The following NFAT5 variants were observed in gnomAD, a reference collection of about 807,000 sequenced individuals.
NFAT5 encodes the protein nuclear factor of activated T cells 5, also known as nuclear factor of activated T-cells 5.
In NFAT5, 31 loss-of-function variants were observed where a neutral mutation model predicts 166.5. That is an observed-to-expected ratio of 0.19 (90% CI 0.14 to 0.25). NFAT5 has a LOEUF of 0.25. Among genes scored for constraint, NFAT5 ranks in the 10% least tolerant of loss-of-function variants. The pLI, the probability that NFAT5 is intolerant of heterozygous loss-of-function variation, is 1.00. For missense variants in NFAT5, 1,449 were observed against 1,821.8 expected, an observed-to-expected ratio of 0.80 and a Z score of 3.72; for synonymous variants, 612 against 639.7, an observed-to-expected ratio of 0.96 and a Z score of 0.65.
chr16:69,595,273 T>C (rs2032725466), intron 2 of NFAT5, among the ~76,000 whole-genome samples: 1 of 152,228 alleles, frequency 6.6e-6, no homozygotes, highest in Non-Finnish European at 1.5e-5. Context: ...ACCCTTCTTA[T>C]AATGATGTAA....
At chr16:69,614,186 TG>T (rs2033831897) in intron 2 of NFAT5, among the ~76,000 whole-genome samples, 1 of 151,958 alleles carries the variant, frequency 6.6e-6, no homozygotes, top group Admixed American at 6.6e-5. Context: ...GACAAGGTCT[TG>T]CTCTGTCACC....
Position 69,693,629 on chromosome 16 carries a change from G to A in NFAT5, c.3804G>A (p.Gln1268=). The stretch of plus-strand genomic sequence containing the variant: ...AGAGTAACTCTCCATCCCAGGAACA[G>A]CAGCAGCAGCAGCAACAGCAGCAGC... ...AMQSNSPSQE[Q]QQQQQQQQQQ... The change falls in exon 13 of 15, where the codon CAG becomes CAA. Residue 1268 remains glutamine (Q), a synonymous_variant. Coordinates refer to ENST00000349945, the MANE Select transcript of NFAT5 (RefSeq NM_138713.4). 1.9e-6 allele frequency: 3 copies of A among 1,608,702 alleles called. No homozygotes were observed. The highest frequency in any genetic ancestry group is 2.6e-6 in the Non-Finnish European group (3 of 1,176,302).
intron 2 of NFAT5, among the ~76,000 whole-genome samples, chr16:69,619,636 ATGT>A (rs2034113603): frequency 6.6e-6 from 1 of 152,136 alleles, no homozygotes; most frequent in African/African-American, 2.4e-5. Flanking sequence ...TATGTTATTA[ATGT>A]TGTTATTTTG....
Position 69,604,158 on chromosome 16 carries a change from G to A in NFAT5, c.128-22245G>A, listed in dbSNP as rs2033281364. Among the ~76,000 whole-genome samples, 4 of 152,230 alleles carry A rather than the reference G, an allele frequency of 2.6e-5. No homozygotes were observed. In the South Asian group the frequency reaches 8.3e-4, roughly 32 times the overall value. ...GTCCAGGGGCACATAGAAGCAAGCA[G>A]CAGAGCTGGGATTTAAATGGAGGCA... On this transcript the variant is annotated intron_variant, in intron 2 of 14. Transcript: ENST00000349945.
chr16:69,642,838 A>C (rs1304266816), intron 3 of NFAT5, among the ~76,000 whole-genome samples: 1 of 151,968 alleles, frequency 6.6e-6, no homozygotes, highest in Non-Finnish European at 1.5e-5. Context: ...AAGAAAAGAA[A>C]AGAAAAAGGA....
intron 13 of NFAT5, among the ~76,000 whole-genome samples, chr16:69,694,470 G>A (rs2037690796): frequency 6.6e-6 from 1 of 152,136 alleles, no homozygotes; most frequent in Admixed American, 6.5e-5. Flanking sequence ...GGCCAGGCTG[G>A]TGTTGAATTT....
At chr16:69,582,126 G>A (rs371796056) in intron 2 of NFAT5, among the ~76,000 whole-genome samples, 16 of 152,184 alleles carry the variant, frequency 1.1e-4, no homozygotes, top group African/African-American at 3.6e-4. Context: ...TTAGCCAGGT[G>A]TGGTGGTGCA....
chr16:69,577,606 A>G (rs1043163379), intron 2 of NFAT5, among the ~76,000 whole-genome samples: 1 of 152,182 alleles, frequency 6.6e-6, no homozygotes, highest in Non-Finnish European at 1.5e-5. Flanking sequence ...TATGGTAAGA[A>G]AAAGCAGATC....
chr16:69,599,529 C>T (rs1188366190), intron 2 of NFAT5, among the ~76,000 whole-genome samples: 1 of 152,136 alleles, frequency 6.6e-6, no homozygotes, highest in Non-Finnish European at 1.5e-5. Context: ...CAAGATTGTG[C>T]CACTGCACTC....
intron 2 of NFAT5, among the ~76,000 whole-genome samples, chr16:69,612,651 G>C (rs75527884): frequency 0.018 from 2,739 of 152,094 alleles, 85 homozygotes; most frequent in African/African-American, 0.063. Flanking sequence ...TTGGAGACCA[G>C]ACTGGACAAC....
At chr16:69,660,018 T>C (rs753826735) in intron 7 of NFAT5, 119 bp downstream of exon 7, 142 of 866,008 alleles carry the variant, frequency 1.6e-4, no homozygotes, top group Non-Finnish European at 4.8e-5. Context: ...CATGCAAAAT[T>C]TGAAATATTT....
intron 2 of NFAT5, among the ~76,000 whole-genome samples, chr16:69,580,963 A>G (rs1225762607): frequency 6.6e-6 from 1 of 152,206 alleles, no homozygotes; most frequent in Non-Finnish European, 1.5e-5. Flanking sequence ...CCGAAATCCA[A>G]ATTCTTAAAA....
In NFAT5 at chr16:69,595,254, T is replaced by A. The variant is rs551514475; in HGVS notation, c.127+26706T>A. 9.8e-5 allele frequency among the ~76,000 whole-genome samples: 15 copies of A among 152,330 alleles called. 1 individual carries two copies. In the South Asian group the frequency reaches 3.1e-3, roughly 32 times the overall value. ...GTGGTCTCTCAAAATAGCTTACTGT[T>A]CTGTATTCACCCTTCTTATAATGAT... On this transcript the variant is annotated intron_variant, in intron 2 of 14. Transcript: ENST00000349945.
At chr16:69,661,432 A>G (rs1328177217) in intron 7 of NFAT5, among the ~76,000 whole-genome samples, 1 of 149,030 alleles carries the variant, frequency 6.7e-6, no homozygotes, top group Non-Finnish European at 1.5e-5. Context: ...AGTCCCAGCT[A>G]CTCAGGAGGC....
At chr16:69,644,269 A>C (rs1172100474) in intron 3 of NFAT5, among the ~76,000 whole-genome samples, 1 of 151,932 alleles carries the variant, frequency 6.6e-6, no homozygotes, top group Non-Finnish European at 1.5e-5. Context: ...TGGGCAACAG[A>C]GTGAGACCCT....
In NFAT5 at chr16:69,626,545, A is replaced by G; in HGVS notation, c.253+17A>G. On this transcript the variant is annotated intron_variant, in intron 3 of 14. Transcript: ENST00000349945. ...TTGCTGCTGGTATGCATTTCATTTT[A>G]CTTTATTAAAGAAAACTAGGGCCAA... 6.6e-7 allele frequency: 1 copy of G among 1,518,980 alleles called. No individual in the cohort carries two copies. The highest frequency in any genetic ancestry group is 8.8e-7 in the Non-Finnish European group (1 of 1,137,404). 94.1% of individuals were successfully genotyped at this position (1,518,980 alleles called of 1,614,324 possible). A position where few individuals can be genotyped will look rare whatever the true frequency, so the allele number is the denominator to read the frequency against.
chr16:69,665,264 A>T (rs931742381), intron 7 of NFAT5, among the ~76,000 whole-genome samples: 1 of 150,746 alleles, frequency 6.6e-6, no homozygotes, highest in Non-Finnish European at 1.5e-5. Context: ...GGCACAAGAC[A>T]GGGATGCCCT....
intron 2 of NFAT5, among the ~76,000 whole-genome samples, chr16:69,577,481 G>T (rs1182384740): frequency 6.6e-6 from 1 of 152,112 alleles, no homozygotes; most frequent in Non-Finnish European, 1.5e-5. Flanking sequence ...TTTATACCCA[G>T]TTTTAAAAAT....
At chr16:69,594,007 T>C (rs1445030563) in intron 2 of NFAT5, among the ~76,000 whole-genome samples, 2 of 152,194 alleles carry the variant, frequency 1.3e-5, no homozygotes, top group Admixed American at 6.5e-5. Context: ...TGCTCATAGC[T>C]GGAATTGGAA....
Sources: gnomAD v4.1 joint callset for allele counts (sites outside exome capture counted in the v4.1 genomes callset) on GRCh38, gnomAD v4.1.1 for gene constraint, MANE v1.5 for transcripts, NCBI Gene and HGNC (gene_info 2026-07-23, HGNC 2026-07-21) for gene names.